PARD3B: variants seen among roughly 807,000 people sequenced by gnomAD.
The protein encoded by PARD3B is par-3 family cell polarity regulator beta.
A neutral mutation model predicts 130.2 loss-of-function variants in PARD3B; 103 were observed. The ratio of observed to expected loss-of-function variants is 0.79; its 90% confidence interval spans 0.67 to 0.93. The LOEUF (loss-of-function observed/expected upper bound fraction) is 0.93, where lower values mean the gene tolerates loss of function less well. Ranked by LOEUF, PARD3B falls within the 40% of genes least tolerant of loss-of-function variation. The probability of loss-of-function intolerance (pLI) is 0.00; values close to 1 mark genes in which losing one functional copy is unlikely to be tolerated. For synonymous variants in PARD3B, 583 were observed against 553.2 expected (o/e 1.05, Z -0.76); for missense variants, 1,609 against 1,499.2 (o/e 1.07, Z -1.21).
chr2:205,452,002 G>C (rs933018623), intron 20 of PARD3B, among the ~76,000 whole-genome samples: 5 of 152,040 alleles, frequency 3.3e-5, no homozygotes, highest in Non-Finnish European at 7.4e-5. Flanking sequence ...AGGCAACTGG[G>C]GGACATACAT....
At chr2:204,572,216 A>G (rs2125069357) in intron 1 of PARD3B, among the ~76,000 whole-genome samples, 1 of 152,314 alleles carries the variant, frequency 6.6e-6, no homozygotes, top group East Asian at 1.9e-4. Flanking sequence ...GATTTCTGAG[A>G]TGAAAGCTTT....
chr2:204,635,280 C>T (rs1167992128), intron 1 of PARD3B, among the ~76,000 whole-genome samples: 1 of 152,000 alleles, frequency 6.6e-6, no homozygotes, highest in Non-Finnish European at 1.5e-5. Flanking sequence ...GCTTTGGTTT[C>T]TTAGAGTGGG....
intron 4 of PARD3B, among the ~76,000 whole-genome samples, chr2:205,097,685 T>G (rs1702481933): frequency 6.6e-6 from 1 of 152,176 alleles, no homozygotes; most frequent in South Asian, 2.1e-4. Context: ...CAGGTAATTC[T>G]TCTGATCCAC....
At chr2:204,712,165 T>C (rs1195111306) in intron 2 of PARD3B, among the ~76,000 whole-genome samples, 1 of 152,208 alleles carries the variant, frequency 6.6e-6, no homozygotes, top group Admixed American at 6.5e-5. Flanking sequence ...ATTCCCAAGT[T>C]ATGTTATGAA....
chr2:204,898,427 A>T (rs1168850495), intron 2 of PARD3B, among the ~76,000 whole-genome samples: 1 of 152,014 alleles, frequency 6.6e-6, no homozygotes, highest in Non-Finnish European at 1.5e-5. Context: ...GTACCTATTA[A>T]CCATCCACAC....
At chr2:205,185,485 C>A (rs1460201981) in intron 13 of PARD3B, among the ~76,000 whole-genome samples, 1 of 152,098 alleles carries the variant, frequency 6.6e-6, no homozygotes, top group African/African-American at 2.4e-5. Context: ...ATGTGTCAGC[C>A]TTTTGTTGGT....
At chr2:204,660,882 T>C (rs2035784910) in intron 1 of PARD3B, among the ~76,000 whole-genome samples, 1 of 152,226 alleles carries the variant, frequency 6.6e-6, no homozygotes, top group Admixed American at 6.5e-5. Context: ...GTATAGAACA[T>C]GCAGTGTGGC....
chr2:204,726,120 T>C (rs2039215425), intron 2 of PARD3B, among the ~76,000 whole-genome samples: 1 of 152,214 alleles, frequency 6.6e-6, no homozygotes, highest in Non-Finnish European at 1.5e-5. Flanking sequence ...AGGAAGTTCT[T>C]TGCTGTCAGC....
At chr2:204,935,252 G>A (rs1320380827) in intron 2 of PARD3B, among the ~76,000 whole-genome samples, 1 of 150,258 alleles carries the variant, frequency 6.7e-6, no homozygotes, top group Non-Finnish European at 1.5e-5. Context: ...AAAATAGGCT[G>A]TGCGCAGTGG....
intron 20 of PARD3B, among the ~76,000 whole-genome samples, chr2:205,468,967 C>CT (rs76646191): frequency 1.5e-3 from 214 of 145,600 alleles, no homozygotes; most frequent in Middle Eastern, 3.6e-3. Flanking sequence ...TCCCCTCTAT[C>CT]TTTTTTTTTT....
rs377466729 is a variant in PARD3B at position 204,826,708 on chromosome 2, T to G, written c.223-138444T>G. 2.0e-5 allele frequency among the ~76,000 whole-genome samples: 3 copies of G among 152,204 alleles called. No homozygotes were observed. The East Asian group carries it at 5.8e-4, about 29-fold the overall frequency. ...AAAAGTAGTATCACATCTTTCATTT[T>G]GTTTTTGTTTACTTGAAAGTTGCAT... On this transcript the variant is annotated intron_variant, in intron 2 of 22. Coordinates refer to ENST00000406610, the MANE Select transcript of PARD3B (RefSeq NM_001302769.2).
intron 2 of PARD3B, among the ~76,000 whole-genome samples, chr2:204,863,377 C>T (rs1195137569): frequency 6.6e-6 from 1 of 152,184 alleles, no homozygotes; most frequent in Non-Finnish European, 1.5e-5. Flanking sequence ...CTCTCAGCCC[C>T]TGTGGTTTGA....
chr2:205,299,890 C>CTTGA (rs1011409375), intron 16 of PARD3B, among the ~76,000 whole-genome samples: 1 of 152,224 alleles, frequency 6.6e-6, no homozygotes, highest in Non-Finnish European at 1.5e-5. Context: ...GCTTTGCTTG[C>CTTGA]TTGATTGATT....
chr2:204,606,335 A>G lies in PARD3B; in HGVS notation c.120+60216A>G, dbSNP rs1574538075. On this transcript the variant is annotated intron_variant, in intron 1 of 22. Coordinates refer to ENST00000406610, the MANE Select transcript of PARD3B (RefSeq NM_001302769.2). This position sits in a 1 kb window ranked among gnomAD's most constrained non-coding sequence, Gnocchi z 4.0. ...AGTACTTTTTAGTACTAAGAGGACT[A>G]CTTTTTTAGTACTTTAGTTTCTCAG... 6.6e-6 allele frequency among the ~76,000 whole-genome samples: 1 copy of G among 152,140 alleles called. No homozygotes were observed. The highest frequency in any genetic ancestry group is 2.4e-5 in the African/African-American group (1 of 41,434).
chr2:205,249,750 G>A (rs1304203029), intron 16 of PARD3B, among the ~76,000 whole-genome samples: 2 of 152,050 alleles, frequency 1.3e-5, no homozygotes, highest in African/African-American at 2.4e-5. Flanking sequence ...CTCCAAATAT[G>A]AGAGACATTT....
rs1401537134 is a variant in PARD3B, at chr2:205,590,541, G to A, written c.3261-24915G>A. 6.6e-6 allele frequency among the ~76,000 whole-genome samples: 1 copy of A among 152,166 alleles called. No homozygotes were observed. The highest frequency in any genetic ancestry group is 1.5e-5 in the Non-Finnish European group (1 of 68,034). On this transcript the variant is annotated intron_variant, in intron 22 of 22. Transcript: ENST00000406610. The surrounding 1 kb of genome is among the most constrained non-coding windows in gnomAD (Gnocchi z 4.1). ...GGAACGTTCTGATGATCCAGGCCTGGGTCACATGCCCCTCTGGAGTCCAGA... is the reference window on the plus strand; with the variant it reads ...GGAACGTTCTGATGATCCAGGCCTGAGTCACATGCCCCTCTGGAGTCCAGA...
chr2:204,701,942 T>G (rs775765635), intron 2 of PARD3B, among the ~76,000 whole-genome samples: 2 of 152,148 alleles, frequency 1.3e-5, no homozygotes, highest in Non-Finnish European at 2.9e-5. Flanking sequence ...GCCATCTTTA[T>G]GTCCATGAGT....
At chr2:205,357,390 A>C (rs1386201309) in intron 18 of PARD3B, among the ~76,000 whole-genome samples, 1 of 152,196 alleles carries the variant, frequency 6.6e-6, no homozygotes, top group East Asian at 1.9e-4. Flanking sequence ...GGAAGACAAA[A>C]ATAATTTCTG....
At chr2:205,425,301 G>A (rs1190385647) in intron 19 of PARD3B, among the ~76,000 whole-genome samples, 1 of 152,134 alleles carries the variant, frequency 6.6e-6, no homozygotes, top group Non-Finnish European at 1.5e-5. Context: ...TACATTATGA[G>A]AATAGAAATT....
Sources: gnomAD v4.1 joint callset for allele counts (sites outside exome capture counted in the v4.1 genomes callset) on GRCh38, gnomAD v4.1.1 for gene constraint, Gnocchi (gnomAD v3.1) non-coding constraint, MANE v1.5 for transcripts, NCBI Gene and HGNC (gene_info 2026-07-23, HGNC 2026-07-21) for gene names.